The following CDH18 variants were observed in gnomAD, a reference collection of about 807,000 sequenced individuals.
CDH18 encodes the protein cadherin-18.
A neutral mutation model predicts 67.9 loss-of-function variants in CDH18; 31 were observed. The ratio of observed to expected loss-of-function variants is 0.46; its 90% CI spans 0.34 to 0.62. The LOEUF (loss-of-function observed/expected upper bound fraction) is 0.62. Among genes scored for constraint, CDH18 ranks in the 20% least tolerant of loss-of-function variants. CDH18 has a pLI of 0.01. For synonymous variants in CDH18, 362 were observed against 347.2 expected (o/e 1.04, Z -0.48); for missense variants, 890 against 975.5 (o/e 0.91, Z 1.17).
chr5:20,338,524 A>G (rs1038034341), intron 1 of CDH18, among the ~76,000 whole-genome samples: 1 of 152,192 alleles, frequency 6.6e-6, no homozygotes, highest in Non-Finnish European at 1.5e-5. Context: ...GGAAAAGTTT[A>G]CTGTATGATA....
intron 2 of CDH18, among the ~76,000 whole-genome samples, chr5:20,215,291 T>G (rs1054715496): frequency 3.8e-4 from 57 of 151,978 alleles, no homozygotes; most frequent in Non-Finnish European, 1.5e-4. Flanking sequence ...AGCAGTAGAT[T>G]ATAATTCAGG....
intron 7 of CDH18, among the ~76,000 whole-genome samples, chr5:19,590,257 A>C (rs1418907790): frequency 6.6e-6 from 1 of 152,118 alleles, no homozygotes; most frequent in Non-Finnish European, 1.5e-5. Flanking sequence ...TACAATGAGA[A>C]AATACTTTAG....
intron 1 of CDH18, among the ~76,000 whole-genome samples, chr5:19,986,094 A>G (rs1189286144): frequency 6.6e-6 from 1 of 151,226 alleles, no homozygotes; most frequent in Non-Finnish European, 1.5e-5. Flanking sequence ...CCAATGGGAC[A>G]AAAAGTACTT....
At chr5:20,308,229 G>A (rs1736657763) in intron 1 of CDH18, among the ~76,000 whole-genome samples, 1 of 151,850 alleles carries the variant, frequency 6.6e-6, no homozygotes. Flanking sequence ...AAACTGATAA[G>A]AATAGATACT....
intron 2 of CDH18, among the ~76,000 whole-genome samples, chr5:20,049,016 G>A (rs1741161660): frequency 6.6e-6 from 1 of 151,660 alleles, no homozygotes; most frequent in African/African-American, 2.4e-5. Flanking sequence ...TTCTGACAAA[G>A]TATGAAGCAC....
intron 8 of CDH18, among the ~76,000 whole-genome samples, chr5:19,570,019 C>A (rs756720231): frequency 1.3e-5 from 2 of 152,054 alleles, no homozygotes; most frequent in African/African-American, 4.8e-5. Context: ...ATTTTCACAG[C>A]AAACTTATAT....
Position 19,658,299 on chromosome 5 carries a change from T to G in CDH18, c.644-45698A>C, listed in dbSNP as rs1297356120. On this transcript the variant is annotated intron_variant, in intron 5 of 12. Transcript: ENST00000382275. ...CATGTCAACACATAAAAATTATTTT[T>G]AATTAAAACTCATGGTTTGTTAAAA... 2.0e-5 allele frequency among the ~76,000 whole-genome samples: 3 copies of G among 152,270 alleles called. No individual in the cohort carries two copies. The South Asian group carries it at 6.2e-4, about 32-fold the overall frequency.
chr5:20,325,125 T>C (rs1294377680), intron 1 of CDH18, among the ~76,000 whole-genome samples: 4 of 152,226 alleles, frequency 2.6e-5, no homozygotes, highest in African/African-American at 7.2e-5. Flanking sequence ...TAGTTCCCCG[T>C]TGGCAATGAT....
intron 5 of CDH18, among the ~76,000 whole-genome samples, chr5:19,657,494 AT>A (rs1250692100): frequency 1.3e-5 from 2 of 152,132 alleles, no homozygotes; most frequent in African/African-American, 4.8e-5. Flanking sequence ...ATTATTTGAA[AT>A]ACAGTTTGAA....
intron 1 of CDH18, among the ~76,000 whole-genome samples, chr5:20,553,525 G>A (rs1757750414): frequency 1.3e-5 from 2 of 152,210 alleles, no homozygotes; most frequent in South Asian, 4.1e-4. Flanking sequence ...CCATGAAGAT[G>A]AAAACTCCCC....
intron 1 of CDH18, among the ~76,000 whole-genome samples, chr5:20,516,483 C>G (rs1457292426): frequency 6.6e-6 from 1 of 151,772 alleles, no homozygotes; most frequent in Non-Finnish European, 1.5e-5. Context: ...TGACTTTGGG[C>G]TGAGTTTTCA....
chr5:19,610,375 T>G (rs1467685443), intron 6 of CDH18, among the ~76,000 whole-genome samples: 8 of 152,140 alleles, frequency 5.3e-5, no homozygotes, highest in Non-Finnish European at 1.2e-4. Flanking sequence ...CTTTATTATA[T>G]ATCTATATTC....
chr5:19,677,361 G>A (rs1239123173), intron 5 of CDH18, among the ~76,000 whole-genome samples: 2 of 151,936 alleles, frequency 1.3e-5, no homozygotes, highest in Non-Finnish European at 2.9e-5. Flanking sequence ...AAATGCTAAC[G>A]GAATTCATTA....
intron 4 of CDH18, among the ~76,000 whole-genome samples, chr5:19,733,060 G>A (rs1208665459): frequency 6.6e-6 from 1 of 152,104 alleles, no homozygotes; most frequent in African/African-American, 2.4e-5. Context: ...TCTAACAGCA[G>A]TTAGATGCAC....
At chr5:20,261,609 C>T (rs548359357) in intron 1 of CDH18, among the ~76,000 whole-genome samples, 165 of 151,938 alleles carry the variant, frequency 1.1e-3, no homozygotes, top group Middle Eastern at 6.8e-3. Context: ...GGCGTGGTGG[C>T]GGGTGCCTGT....
chr5:20,557,392 A>C (rs1757964207), intron 1 of CDH18, among the ~76,000 whole-genome samples: 1 of 152,170 alleles, frequency 6.6e-6, no homozygotes, highest in Non-Finnish European at 1.5e-5. Context: ...AAAATAAATA[A>C]AAATTAAATA....
intron 1 of CDH18, among the ~76,000 whole-genome samples, chr5:20,503,278 C>CT (rs371202411): frequency 6.7e-6 from 1 of 150,182 alleles, no homozygotes; most frequent in Non-Finnish European, 1.5e-5. Context: ...GACACAGTGA[C>CT]TTTTTTTTAA....
At chr5:20,129,576 G>T (rs1308822034) in intron 2 of CDH18, among the ~76,000 whole-genome samples, 1 of 151,982 alleles carries the variant, frequency 6.6e-6, no homozygotes, top group Non-Finnish European at 1.5e-5. Context: ...TACCTCTTAT[G>T]ATCAGAAGCT....
chr5:19,796,164 A>G (rs1474536052), intron 3 of CDH18, among the ~76,000 whole-genome samples: 1 of 152,134 alleles, frequency 6.6e-6, no homozygotes, highest in Non-Finnish European at 1.5e-5. Flanking sequence ...TTAAAGATAT[A>G]ATGACTGAAA....
Sources: allele counts gnomAD v4.1 joint callset (sites outside exome capture counted in the v4.1 genomes callset), GRCh38; gene constraint gnomAD v4.1.1; transcripts MANE v1.5; gene names NCBI Gene and HGNC (gene_info 2026-07-23, HGNC 2026-07-21).